IQGAP2: variants seen among roughly 807,000 people sequenced by gnomAD.
IQGAP2 encodes the protein IQ motif containing GTPase activating protein 2, also known as ras GTPase-activating-like protein IQGAP2.
IQGAP2 carries 173 observed loss-of-function variants against 201.3 expected under a neutral mutation model. That is an observed-to-expected ratio of 0.86 (90% CI 0.76 to 0.98). The LOEUF is 0.98. Ranked by LOEUF, IQGAP2 falls within the 50% of genes least tolerant of loss-of-function variation. The probability of loss-of-function intolerance (pLI) is 0.00; values close to 1 mark genes in which losing one functional copy is unlikely to be tolerated. For synonymous variants in IQGAP2, 675 were observed against 673.9 expected, an observed-to-expected ratio of 1.00 and a Z score of -0.03; for missense variants, 1,687 against 1,864.8, an observed-to-expected ratio of 0.90 and a Z score of 1.76.
chr5:76,546,377 G>A (rs996207868), intron 2 of IQGAP2, among the ~76,000 whole-genome samples: 2 of 152,192 alleles, frequency 1.3e-5, no homozygotes, highest in African/African-American at 4.8e-5. Flanking sequence ...AGAGGTTGCA[G>A]TGAGCTGAGA....
In IQGAP2 at chr5:76,578,165, A is replaced by G. The variant is rs75705379; in HGVS notation, c.458+2396A>G. On this transcript the variant is annotated intron_variant, in intron 5 of 35. Transcript: ENST00000274364. Reference sequence around the variant, plus strand: ...CCCTCACCTTATCATTTTATTTCTGATCCCAGTCTCGTGTCCTACCACTCA... The same window carrying G: ...CCCTCACCTTATCATTTTATTTCTGGTCCCAGTCTCGTGTCCTACCACTCA... Among the ~76,000 whole-genome samples, 592 of 151,782 alleles carry G rather than the reference A, an allele frequency of 3.9e-3. 2 individuals are homozygous for G. The highest frequency in any genetic ancestry group is 0.015 in the East Asian group (76 of 5,162).
At chr5:76,644,177 C>T (rs1751818621) in intron 17 of IQGAP2, among the ~76,000 whole-genome samples, 1 of 151,876 alleles carries the variant, frequency 6.6e-6, no homozygotes, top group African/African-American at 2.4e-5. Flanking sequence ...TATACAGATA[C>T]TCTGCACAGA....
chr5:76,555,468 A>G (rs1284607963), intron 2 of IQGAP2, among the ~76,000 whole-genome samples: 1 of 152,234 alleles, frequency 6.6e-6, no homozygotes, highest in Non-Finnish European at 1.5e-5. Flanking sequence ...CTTCCTGAAC[A>G]TCAGGCCAAC....
intron 14 of IQGAP2, among the ~76,000 whole-genome samples, chr5:76,631,373 C>T (rs1477277686): frequency 6.6e-6 from 1 of 152,120 alleles, no homozygotes; most frequent in African/African-American, 2.4e-5. Flanking sequence ...CTCTGCCTTT[C>T]TAGAACACTT....
At chr5:76,677,088 T>C in intron 27 of IQGAP2, 130 bp from the exon 28 acceptor site, 2 of 841,298 alleles carry the variant, frequency 2.4e-6, no homozygotes. Flanking sequence ...GAAGAAGCTG[T>C]AACACGTCCT....
At chr5:76,477,236 G>A (rs979160390) in intron 2 of IQGAP2, among the ~76,000 whole-genome samples, 2 of 152,178 alleles carry the variant, frequency 1.3e-5, no homozygotes, top group African/African-American at 4.8e-5. Context: ...AGCTACTTGG[G>A]AGGCTGAGGT....
intron 2 of IQGAP2, among the ~76,000 whole-genome samples, chr5:76,493,913 G>T (rs1756720745): frequency 6.6e-6 from 1 of 152,150 alleles, no homozygotes; most frequent in South Asian, 2.1e-4. Flanking sequence ...TATCCTCGGG[G>T]AATTGGCTCC....
At chr5:76,492,932 T>C (rs1756648021) in intron 2 of IQGAP2, among the ~76,000 whole-genome samples, 1 of 152,008 alleles carries the variant, frequency 6.6e-6, no homozygotes, top group South Asian at 2.1e-4. Flanking sequence ...CCATAGGAGG[T>C]GATAAGGATG....
rs141436890 is a variant in IQGAP2 at position 76,565,642 on chromosome 5, C to T, written c.303+3090C>T. Among the ~76,000 whole-genome samples the T allele has an allele frequency of 2.6e-5, 4 of 152,262 alleles. No individual in the cohort carries two copies. The East Asian group carries it at 7.7e-4, about 29-fold the overall frequency. On this transcript the variant is annotated intron_variant, in intron 3 of 35. Transcript: ENST00000274364. ...AGGCACCGTATGTGCCTCTATGCCC[C>T]ATCCCCAGCAAATGGGGCAGGGTCT...
intron 30 of IQGAP2, among the ~76,000 whole-genome samples, chr5:76,691,096 C>T (rs970449095): frequency 9.2e-5 from 14 of 152,288 alleles, no homozygotes; most frequent in Middle Eastern, 3.4e-3. Context: ...TAAATCTGTC[C>T]GTCCCCGTCG....
intron 5 of IQGAP2, among the ~76,000 whole-genome samples, chr5:76,583,807 G>A (rs982352563): frequency 5.6e-4 from 85 of 152,212 alleles, no homozygotes; most frequent in Admixed American, 2.9e-3. Flanking sequence ...TTTACTTCAT[G>A]TTATCATCAA....
chr5:76,649,200 C>T (rs1014462608), intron 17 of IQGAP2, among the ~76,000 whole-genome samples: 1 of 152,150 alleles, frequency 6.6e-6, no homozygotes, highest in African/African-American at 2.4e-5. Flanking sequence ...TTTTTCATAA[C>T]CTAAGGAGGC....
At chr5:76,570,554 CT>C in intron 3 of IQGAP2, 25 bp from the exon 4 acceptor site, 16 of 1,555,472 alleles carry the variant, frequency 1.0e-5, no homozygotes, top group Admixed American at 1.7e-5. Context: ...CCTTCTCTCC[CT>C]TTTTCCCTCC....
chr5:76,509,093 GTATA>G (rs869264992), intron 2 of IQGAP2, among the ~76,000 whole-genome samples: 18 of 143,508 alleles, frequency 1.3e-4, no homozygotes, highest in African/African-American at 4.2e-4. Context: ...GCGTGTGTGT[GTATA>G]TATATATTTC....
chr5:76,623,440 A>G, intron 13 of IQGAP2: 1 of 580,544 alleles, frequency 1.7e-6, no homozygotes, highest in East Asian at 2.8e-5. Context: ...AGCATGACTC[A>G]GGCCAAGCCT....
intron 17 of IQGAP2, among the ~76,000 whole-genome samples, chr5:76,644,306 T>TTTTTTTTTTTTTTTTTTTTTTTG: frequency 9.4e-6 from 1 of 106,170 alleles, no homozygotes; most frequent in African/African-American, 3.4e-5. Flanking sequence ...TTTTTTTTTT[T>TTTTTTTTTTTTTTTTTTTTTTTG]TTTTTTTTTT....
intron 1 of IQGAP2, among the ~76,000 whole-genome samples, chr5:76,459,363 C>T (rs1436705279): frequency 6.6e-6 from 1 of 152,108 alleles, no homozygotes; most frequent in Non-Finnish European, 1.5e-5. Flanking sequence ...TTTAATGTGA[C>T]TCCAGTGCCC....
At chr5:76,644,300 T>TTTTTTTTC (rs1751849818) in intron 17 of IQGAP2, among the ~76,000 whole-genome samples, 4 of 53,942 alleles carry the variant, frequency 7.4e-5, no homozygotes, top group Middle Eastern at 6.6e-3. Context: ...AAATCCTTTT[T>TTTTTTTTC]TTTTTTTTTT....
chr5:76,454,016 A>G (rs1048143316), intron 1 of IQGAP2, among the ~76,000 whole-genome samples: 3 of 152,174 alleles, frequency 2.0e-5, no homozygotes, highest in African/African-American at 7.2e-5. Flanking sequence ...GACAGAGTGT[A>G]TAGGAGCAGG....
Sources: gnomAD v4.1 joint callset for allele counts (sites outside exome capture counted in the v4.1 genomes callset) on GRCh38, gnomAD v4.1.1 for gene constraint, MANE v1.5 for transcripts, NCBI Gene and HGNC (gene_info 2026-07-23, HGNC 2026-07-21) for gene names.